Variants in SERINC4 observed in about 807,000 individuals in gnomAD.
SERINC4 encodes the protein serine incorporator 4.
SERINC4 carries 52 observed loss-of-function variants against 52.0 expected under a neutral mutation model. That is an observed-to-expected ratio of 1.00 (90% CI 0.80 to 1.26). The LOEUF is 1.26. Among genes scored for constraint, SERINC4 ranks in the 50% most tolerant of loss-of-function variants. The pLI, the probability that SERINC4 is intolerant of heterozygous loss-of-function variation, is 0.00. For missense variants in SERINC4, 723 were observed against 632.8 expected, an observed-to-expected ratio of 1.14 and a Z score of -1.53; for synonymous variants, 264 against 247.7, an observed-to-expected ratio of 1.07 and a Z score of -0.62.
Position 43,796,241 on chromosome 15 carries a change from G to A in SERINC4, c.1068-14C>T. The A allele has an allele frequency of 6.2e-7, 1 of 1,604,876 alleles. No individual in the cohort carries two copies. Among genetic ancestry groups the A allele is most frequent in the Non-Finnish European group, 8.5e-7 (1 of 1,171,660 alleles). The stretch of plus-strand genomic sequence containing the variant: ...GAGGCCTCATTGCTGAGAAAGAATA[G>A]AGTTCTTAAGCTGGTTTAGTTAAAT... On this transcript the variant is annotated splice_polypyrimidine_tract_variant and intron_variant, in intron 8 of 11. Coordinates refer to ENST00000319327, the MANE Select transcript of SERINC4 (RefSeq NM_001258031.2).
chr15:43,797,849 G>T, intron 5 of SERINC4, 71 bp downstream of exon 5: 1 of 1,109,742 alleles, frequency 9.0e-7, no homozygotes, highest in Non-Finnish European at 1.4e-6. Flanking sequence ...CGTGCCTTTT[G>T]CCCAGCCCTT....
intron 9 of SERINC4, 141 bp downstream of exon 9, chr15:43,796,014 G>T: frequency 1.4e-6 from 1 of 710,900 alleles, no homozygotes; most frequent in Non-Finnish European, 2.5e-6. Context: ...ATCTAGCACA[G>T]TTGCCTAGCA....
At chr15:43,798,638 A>G (rs1007293808) in intron 3 of SERINC4, 134 bp from the exon 4 acceptor site, 2 of 697,466 alleles carry the variant, frequency 2.9e-6, no homozygotes, top group Admixed American at 5.0e-5. Flanking sequence ...GGAGGAACCA[A>G]TCCCAAATGA....
In SERINC4 at chr15:43,795,739, G is replaced by C; in HGVS notation, c.1141-3C>G. ...CAGCAGAAACACAGTGAGGGCTTCT[G>C]CAAAACAGAACGCAGGTTTTGGAAT... On this transcript the variant is annotated splice_polypyrimidine_tract_variant and splice_region_variant and intron_variant, in intron 9 of 11. Transcript: ENST00000319327. 3.1e-6 allele frequency: 5 copies of C among 1,613,656 alleles called. No homozygotes were observed. Among genetic ancestry groups the C allele is most frequent in the Non-Finnish European group, 4.2e-6 (5 of 1,179,780 alleles).
In SERINC4 at chr15:43,795,440, C is replaced by T. The variant is rs751850244; in HGVS notation, c.1291G>A (p.Val431Ile). 12 of 1,613,944 alleles carry T rather than the reference C, an allele frequency of 7.4e-6. No homozygotes were observed. Among genetic ancestry groups the T allele is most frequent in the South Asian group, 4.4e-5 (4 of 91,080 alleles). The change falls in exon 11 of 12, where the codon GTC becomes ATC. Residue 431 changes from valine to isoleucine, a missense_variant. Val to Ile is a conservative substitution (Grantham distance 29). Transcript: ENST00000319327. ...ACATAGAGTGAGGCAAGGAAGAAGA[C>T]GAAGTGGAAGGCAGAATAGTTGTAG... The part of the protein sequence containing the change: ...LSYNYSAFHF[V>I]FFLASLYVMV...
chr15:43,797,200 G>C lies in SERINC4; in HGVS notation c.789C>G (p.His263Gln), dbSNP rs1432290007. The C allele has an allele frequency of 1.5e-5, 23 of 1,551,012 alleles. No individual in the cohort carries two copies. In the South Asian group the frequency reaches 2.6e-4, roughly 18 times the overall value. ...AGGAGATGAGGCCACAGAAGCAAAG[G>C]TGCAGACTGAGGAGCATCTTGTTAA... The part of the protein sequence containing the change: ...CLLNKMLLSL[H>Q]LCFCGLISFL... Residue 263 changes from histidine (H) to glutamine (Q), a missense_variant, in exon 6 of 12, where the codon CAC becomes CAG. By Grantham distance (24) the His-to-Gln change is conservative. Coordinates refer to ENST00000319327, the MANE Select transcript of SERINC4 (RefSeq NM_001258031.2).
In SERINC4 at chr15:43,796,219, G is replaced by C. The variant is rs2087212576; in HGVS notation, c.1076C>G (p.Ala359Gly). ...YACVLFACNE[A>G]SYLAEVFGPL... Reference sequence around the variant, plus strand: ...TCCAAATACCTCAGCCAGGTAGGAGGCCTCATTGCTGAGAAAGAATAGAGT... The same window carrying C: ...TCCAAATACCTCAGCCAGGTAGGAGCCCTCATTGCTGAGAAAGAATAGAGT... Residue 359 changes from alanine (A) to glycine (G), a missense_variant, in exon 9 of 12, where the codon GCC becomes GGC. Coordinates refer to ENST00000319327, the MANE Select transcript of SERINC4 (RefSeq NM_001258031.2). 6.2e-7 allele frequency: 1 copy of C among 1,612,936 alleles called. No individual in the cohort carries two copies. Among genetic ancestry groups the C allele is most frequent in the East Asian group, 2.2e-5 (1 of 44,882 alleles).
chr15:43,796,563 C>G, intron 8 of SERINC4, 53 bp downstream of exon 8: 1 of 1,598,062 alleles, frequency 6.3e-7, no homozygotes, highest in Non-Finnish European at 8.6e-7. Flanking sequence ...GACCATCCTT[C>G]CCTGTCTTGG....
In SERINC4 at chr15:43,794,317, C is replaced by G; in HGVS notation, c.*683G>C. ...ACACCATCTCTAGGATGGAGTTGGC[C>G]TAAGAGTGAATGCTGCAAGATCTGT... On this transcript the variant is annotated 3_prime_UTR_variant, in exon 12 of 12. Coordinates refer to ENST00000319327, the MANE Select transcript of SERINC4 (RefSeq NM_001258031.2). 2 of 234,030 alleles carry G rather than the reference C, an allele frequency of 8.5e-6. No individual in the cohort carries two copies. The highest frequency in any genetic ancestry group is 1.7e-5 in the Non-Finnish European group (2 of 119,980). The allele number at this position is 234,030 out of a possible 1,614,324, so 14.5% of individuals were successfully genotyped here.
At position 43,795,407 on chromosome 15, in the gene SERINC4, T is replaced by C; in HGVS notation, c.1324A>G (p.Thr442Ala). 1 of 1,614,102 alleles carries C rather than the reference T, an allele frequency of 6.2e-7. No individual in the cohort carries two copies. Residue 442 changes from threonine (T) to alanine (A), a missense_variant, in exon 11 of 12, where the codon ACC becomes GCC. By Grantham distance (58) the Thr-to-Ala change is moderately conservative. Coordinates refer to ENST00000319327, the MANE Select transcript of SERINC4 (RefSeq NM_001258031.2). ...FFLASLYVMV[T>A]LTNWFSYEGA... ...TCTTACCTGAACCAGTTGGTAAGGGTAACCATGACATAGAGTGAGGCAAGG... is the reference window on the plus strand; with the variant it reads ...TCTTACCTGAACCAGTTGGTAAGGGCAACCATGACATAGAGTGAGGCAAGG...
At chr15:43,797,090 C>T in intron 6 of SERINC4, 55 bp downstream of exon 6, 1 of 1,498,088 alleles carries the variant, frequency 6.7e-7, no homozygotes, top group Non-Finnish European at 9.1e-7. Context: ...GGTAATGAAA[C>T]TTGCTATGCT....
At chr15:43,795,957 TCA>T in intron 9 of SERINC4, 196 bp downstream of exon 9, 1 of 641,720 alleles carries the variant, frequency 1.6e-6, no homozygotes, top group East Asian at 2.7e-5. Flanking sequence ...AATACCTACC[TCA>T]CAGGGTTGTT....
intron 4 of SERINC4, 155 bp from the exon 5 acceptor site, chr15:43,798,168 ACCT>A: frequency 6.4e-6 from 4 of 628,588 alleles, no homozygotes. Flanking sequence ...TTCTGCCTCC[ACCT>A]CCTGAGCAGC....
rs966267118 is a variant in SERINC4, at chr15:43,795,771, A to G, written c.1141-35T>C. ...AGAACGCAGGTTTTGGAATGGTCTT[A>G]AAAGATGTGAGGGTGTTAATCTAGG... is the stretch of plus-strand genomic sequence containing the variant. On this transcript the variant is annotated intron_variant, in intron 9 of 11. Coordinates refer to ENST00000319327, the MANE Select transcript of SERINC4 (RefSeq NM_001258031.2). The G allele has an allele frequency of 2.5e-6, 4 of 1,605,214 alleles. No individual in the cohort carries two copies. The African/African-American group carries it at 4.0e-5, about 16-fold the overall frequency.
Position 43,796,936 on chromosome 15 carries a change from T to C in SERINC4, c.849A>G (p.Gln283=). The stretch of plus-strand genomic sequence containing the variant: ...AAGCTTGTAGGAGGCCAGAGCGGGG[T>C]TGCTCTGGGGAGTAAGTATAATTGC... The part of the protein sequence containing the change: ...LSIAPCIRLK[Q]PRSGLLQASV... Residue 283 remains glutamine (Q), a synonymous_variant, in exon 7 of 12, where the codon CAA becomes CAG. Transcript: ENST00000319327. 1 of 1,612,380 alleles carries C rather than the reference T, an allele frequency of 6.2e-7. No individual in the cohort carries two copies. The highest frequency in any genetic ancestry group is 8.5e-7 in the Non-Finnish European group (1 of 1,178,658).
At chr15:43,796,470 T>C (rs1420300604) in intron 8 of SERINC4, 146 bp downstream of exon 8, 5 of 907,332 alleles carry the variant, frequency 5.5e-6, no homozygotes, top group African/African-American at 1.7e-5. Context: ...AGTACTATTC[T>C]TAGAATTTGT....
rs2048815569 is a variant in SERINC4, at chr15:43,799,447, G to GGCAGCAGCTGGCACAAGGAGCAGGCCC, written c.115_141dup (p.Gly39_Cys47dup). 6.4e-7 allele frequency: 1 copy of GGCAGCAGCTGGCACAAGGAGCAGGCCC among 1,550,562 alleles called. No homozygotes were observed. The highest frequency in any genetic ancestry group is 2.0e-5 in the Admixed American group (1 of 50,970). On this transcript the variant is annotated inframe_insertion, in exon 2 of 12. Coordinates refer to ENST00000319327, the MANE Select transcript of SERINC4 (RefSeq NM_001258031.2). ...GCGGTGAGAGAGGGCCACCTAGAGTGGCAGCAGCTGGCACAAGGAGCAGGC... is the reference window on the plus strand; with the variant it reads ...GCGGTGAGAGAGGGCCACCTAGAGTGGCAGCAGCTGGCACAAGGAGCAGGCCCGCAGCAGCTGGCACAAGGAGCAGGC...
Position 43,797,226 on chromosome 15 carries a change from G to A in SERINC4, c.763C>T (p.Leu255Phe), listed in dbSNP as rs1216461798. 6 of 1,550,624 alleles carry A rather than the reference G, an allele frequency of 3.9e-6. No homozygotes were observed. Among genetic ancestry groups the A allele is most frequent in the Non-Finnish European group, 5.2e-6 (6 of 1,146,992 alleles). Residue 255 changes from leucine to phenylalanine, a missense_variant, in exon 6 of 12, where the codon CTT (leucine) becomes TTT (phenylalanine). Physicochemically the swap from Leu to Phe is conservative, Grantham distance 22. Coordinates refer to ENST00000319327, the MANE Select transcript of SERINC4 (RefSeq NM_001258031.2). ...HYYTHPAGCLLNKMLLSLHLC... is the reference protein window; with the variant it reads ...HYYTHPAGCLFNKMLLSLHLC... ...TGCAGACTGAGGAGCATCTTGTTAAGCAGGCAGCCAGCTGGGTGTGTATAA... is the reference window on the plus strand; with the variant it reads ...TGCAGACTGAGGAGCATCTTGTTAAACAGGCAGCCAGCTGGGTGTGTATAA...
intron 2 of SERINC4, 38 bp from the exon 3 acceptor site, chr15:43,799,175 T>C (rs142514753): frequency 1.9e-4 from 293 of 1,535,244 alleles, no homozygotes; most frequent in South Asian, 2.3e-4. Context: ...GGACAAGTCA[T>C]AATGCATGGA....
Sources: gnomAD v4.1 joint callset for allele counts on GRCh38, gnomAD v4.1.1 for gene constraint, MANE v1.5 for transcripts, NCBI Gene and HGNC (gene_info 2026-07-23, HGNC 2026-07-21) for gene names.